Variants in SMCO4 observed in about 807,000 individuals in gnomAD.
SMCO4 encodes the protein single-pass membrane protein with coiled-coil domains 4, also known as single-pass membrane and coiled-coil domain-containing protein 4.
Under a neutral mutation model 3.6 loss-of-function variants are expected in SMCO4, and 4 were observed. The observed-to-expected ratio is 1.11, with a 90% CI of 0.54 to 2.53. The LOEUF is 2.53. Among genes scored for constraint, SMCO4 ranks in the 30% most tolerant of loss-of-function variants. The pLI, the probability that SMCO4 is intolerant of heterozygous loss-of-function variation, is 0.02. For synonymous variants in SMCO4, 36 were observed against 35.3 expected (o/e 1.02, Z -0.07); for missense variants, 70 against 80.8 (o/e 0.87, Z 0.51).
At chr11:93,484,443 GC>G (rs879513906) in intron 2 of SMCO4, among the ~76,000 whole-genome samples, 1 of 152,200 alleles carries the variant, frequency 6.6e-6, no homozygotes, top group Non-Finnish European at 1.5e-5. Flanking sequence ...CCTTAGCTCT[GC>G]CCCATCTGGT....
At chr11:93,552,442 G>GTTATTATTA in the SMCO4 span, among the ~76,000 whole-genome samples, 13,527 of 130,072 alleles carry the variant, frequency 0.1, 846 homozygotes, top group Non-Finnish European at 0.13. Flanking sequence ...GCCCAGCCAC[G>GTTATTATTA]TTATTATTAT....
chr11:93,495,806 G>T (rs1314064177), intron 2 of SMCO4, among the ~76,000 whole-genome samples: 1 of 152,170 alleles, frequency 6.6e-6, no homozygotes, highest in Non-Finnish European at 1.5e-5. Flanking sequence ...TTATTCTGGT[G>T]TTTGGAGGAA....
chr11:93,480,665 T>C (rs935854863), intron 2 of SMCO4, among the ~76,000 whole-genome samples: 2 of 152,184 alleles, frequency 1.3e-5, no homozygotes, highest in South Asian at 4.1e-4. Flanking sequence ...GAGGGACCTA[T>C]GCTGTATACT....
At chr11:93,525,882 G>T (rs1244606595) in intron 1 of SMCO4, among the ~76,000 whole-genome samples, 1 of 152,196 alleles carries the variant, frequency 6.6e-6, no homozygotes, top group East Asian at 1.9e-4. Flanking sequence ...GATGACTCAA[G>T]AAATTATCTC....
chr11:93,500,010 A>G (rs370566364), intron 1 of SMCO4, among the ~76,000 whole-genome samples: 6 of 152,360 alleles, frequency 3.9e-5, no homozygotes, highest in African/African-American at 1.2e-4. Context: ...CCATAAAGCA[A>G]AATAAATAAG....
At chr11:93,479,623 T>C (rs540748286) in intron 2 of SMCO4, among the ~76,000 whole-genome samples, 3 of 152,330 alleles carry the variant, frequency 2.0e-5, no homozygotes, top group African/African-American at 7.2e-5. Flanking sequence ...CTCTAGCTAC[T>C]TGCTTTCCTG....
At chr11:93,548,271 G>A (rs771796742), upstream of SMCO4, among the ~76,000 whole-genome samples, 4 of 152,146 alleles carry the variant, frequency 2.6e-5, no homozygotes, top group Non-Finnish European at 5.9e-5. Flanking sequence ...ATTTGGATGT[G>A]GGTTTTTTGT....
intron 2 of SMCO4, among the ~76,000 whole-genome samples, chr11:93,491,211 G>A (rs987054448): frequency 6.6e-6 from 1 of 152,230 alleles, no homozygotes; most frequent in Admixed American, 6.5e-5. Flanking sequence ...AAGAATTCCT[G>A]AGAAAGCATG....
intron 1 of SMCO4, among the ~76,000 whole-genome samples, chr11:93,501,503 T>C (rs1219416227): frequency 6.6e-6 from 1 of 152,186 alleles, no homozygotes; most frequent in African/African-American, 2.4e-5. Flanking sequence ...GGCCACATCA[T>C]TCCGACCTCT....
chr11:93,534,398 A>C (rs10831057), intron 1 of SMCO4, among the ~76,000 whole-genome samples: 118,950 of 145,838 alleles, frequency 0.82, 48,764 homozygotes, highest in African/African-American at 0.88. Context: ...AGAGAGAGAT[A>C]CATATATATA....
intron 2 of SMCO4, among the ~76,000 whole-genome samples, chr11:93,488,449 CTT>C (rs1414411475): frequency 6.6e-6 from 1 of 152,190 alleles, no homozygotes; most frequent in African/African-American, 2.4e-5. Flanking sequence ...TCAGGTAAAA[CTT>C]AATGTTCCAG....
intron 1 of SMCO4, among the ~76,000 whole-genome samples, chr11:93,505,165 C>A (rs1948887642): frequency 6.6e-6 from 1 of 152,220 alleles, no homozygotes; most frequent in Non-Finnish European, 1.5e-5. Flanking sequence ...CACAGAGCTG[C>A]TAGCAGTGGC....
At position 93,510,276 on chromosome 11, in the gene SMCO4, G is replaced by T. The variant is rs796527964; in HGVS notation, c.-153-10928C>A. ...TCACTGCACTAGCCTAGGCCAGAAA[G>T]CTCTCCAAGCTCAAATGTCAAGGTT... On this transcript the variant is annotated intron_variant, in intron 1 of 2. Transcript: ENST00000298966. Among the ~76,000 whole-genome samples the T allele has an allele frequency of 4.3e-4, 65 of 152,316 alleles. 2 individuals are homozygous for T. Among genetic ancestry groups the T allele is most frequent in the African/African-American group, 1.5e-3 (61 of 41,574 alleles).
At chr11:93,549,520 C>T in the SMCO4 span, among the ~76,000 whole-genome samples, 1 of 152,108 alleles carries the variant, frequency 6.6e-6, no homozygotes, top group Non-Finnish European at 1.5e-5. Flanking sequence ...ACAATCACAT[C>T]TCACTGCAGC....
At chr11:93,491,085 T>C (rs951318016) in intron 2 of SMCO4, among the ~76,000 whole-genome samples, 1 of 152,230 alleles carries the variant, frequency 6.6e-6, no homozygotes, top group Non-Finnish European at 1.5e-5. Flanking sequence ...AACCTGTAGG[T>C]TCCCTCGACT....
At chr11:93,541,663 C>G (rs1949272181) in intron 1 of SMCO4, among the ~76,000 whole-genome samples, 1 of 152,156 alleles carries the variant, frequency 6.6e-6, no homozygotes, top group African/African-American at 2.4e-5. Context: ...TAGTAGATAG[C>G]TGGACAACCA....
At chr11:93,526,192 C>T (rs994271611) in intron 1 of SMCO4, among the ~76,000 whole-genome samples, 1 of 152,086 alleles carries the variant, frequency 6.6e-6, no homozygotes, top group Non-Finnish European at 1.5e-5. Flanking sequence ...AGAGCAAGCA[C>T]CACCCAAGGG....
Position 93,535,577 on chromosome 11 carries a change from C to T in SMCO4, c.-154+7699G>A, listed in dbSNP as rs895754654. ...ACCTTGAAGAAGTATGACAGTCGAA[C>T]CAAATCCATTCCAAAGAAAGGTACT... is the stretch of plus-strand genomic sequence containing the variant. On this transcript the variant is annotated intron_variant, in intron 1 of 2. Coordinates refer to ENST00000298966, the MANE Select transcript of SMCO4 (RefSeq NM_020179.3). The T allele has an allele frequency of 3.9e-6, 6 of 1,521,322 alleles. No homozygotes were observed. The East Asian group carries it at 1.4e-4, about 34-fold the overall frequency. 94.2% of individuals were successfully genotyped at this position (1,521,322 alleles called of 1,614,324 possible).
chr11:93,483,898 C>G (rs1038218463), intron 2 of SMCO4, among the ~76,000 whole-genome samples: 1 of 152,198 alleles, frequency 6.6e-6, no homozygotes, highest in African/African-American at 2.4e-5. Context: ...TTTGTGCCCC[C>G]ATCATGGTTC....
Sources: gnomAD v4.1 joint callset for allele counts (sites outside exome capture counted in the v4.1 genomes callset) on GRCh38, gnomAD v4.1.1 for gene constraint, MANE v1.5 for transcripts, NCBI Gene and HGNC (gene_info 2026-07-23, HGNC 2026-07-21) for gene names.